Variants in SENP8 observed in about 807,000 individuals in gnomAD.
SENP8 encodes sentrin-specific protease 8.
A neutral mutation model predicts 14.4 loss-of-function variants in SENP8; 10 were observed. The observed-to-expected ratio is 0.69, with a 90% confidence interval of 0.43 to 1.18. The LOEUF (loss-of-function observed/expected upper bound fraction) is 1.18, where lower values mean the gene tolerates loss of function less well. Among genes scored for constraint, SENP8 ranks in the 50% most tolerant of loss-of-function variants. The pLI is 0.00. For synonymous variants in SENP8, 94 were observed against 95.5 expected, an observed-to-expected ratio of 0.98 and a Z score of 0.09; for missense variants, 202 against 249.4, an observed-to-expected ratio of 0.81 and a Z score of 1.28.
In SENP8 at chr15:72,132,301, G is replaced by T. The variant is rs192790911; in HGVS notation, c.-47-7276G>T. Among the ~76,000 whole-genome samples the T allele has an allele frequency of 7.9e-5, 12 of 151,768 alleles. No individual in the cohort carries two copies. In the East Asian group the frequency reaches 2.1e-3, roughly 27 times the overall value. ...TACACAGATCCTTTTAACTCTAAAC[G>T]AATTTACTATTAACAGCAGAACAAT... On this transcript the variant is annotated intron_variant, in intron 1 of 1. Transcript: ENST00000340912.
intron 1 of SENP8, among the ~76,000 whole-genome samples, chr15:72,129,679 A>T (rs1227584335): frequency 2.2e-5 from 3 of 139,236 alleles, no homozygotes; most frequent in South Asian, 2.3e-4. Flanking sequence ...GTCTGGCCAC[A>T]TTTTTTTTTT....
chr15:72,136,010 C>T (rs577300333), intron 1 of SENP8, among the ~76,000 whole-genome samples: 58 of 152,310 alleles, frequency 3.8e-4, no homozygotes, highest in African/African-American at 1.0e-3. Flanking sequence ...AGCAGTCATT[C>T]TGCCTTTATA....
chr15:72,121,134 A>T (rs953391064), intron 1 of SENP8, among the ~76,000 whole-genome samples: 1 of 152,184 alleles, frequency 6.6e-6, no homozygotes, highest in African/African-American at 2.4e-5. Context: ...GTACTATCCC[A>T]CTGTTTCCTA....
At chr15:72,130,715 C>T (rs564206949) in intron 1 of SENP8, among the ~76,000 whole-genome samples, 2 of 152,184 alleles carry the variant, frequency 1.3e-5, no homozygotes, top group African/African-American at 4.8e-5. Flanking sequence ...AGGCATGCGC[C>T]ACCATGCCCA....
chr15:72,135,832 T>G (rs1248467542), intron 1 of SENP8, among the ~76,000 whole-genome samples: 1 of 152,236 alleles, frequency 6.6e-6, no homozygotes, highest in African/African-American at 2.4e-5. Flanking sequence ...GTTGAGGCAG[T>G]CTTCTTGCAG....
At chr15:72,139,487 A>AT (rs1273089239) in intron 1 of SENP8, 90 bp from the exon 2 acceptor site, 34 of 1,262,286 alleles carry the variant, frequency 2.7e-5, no homozygotes, top group East Asian at 9.3e-5. Context: ...TCAACTGTGT[A>AT]TTTTTTTACC....
At chr15:72,126,553 C>T (rs1178019054) in intron 1 of SENP8, among the ~76,000 whole-genome samples, 1 of 152,088 alleles carries the variant, frequency 6.6e-6, no homozygotes, top group Non-Finnish European at 1.5e-5. Flanking sequence ...TGAACCCAGG[C>T]AGCAGAGGTT....
chr15:72,116,493 T>C (rs1169087487), upstream of SENP8, among the ~76,000 whole-genome samples: 3 of 152,214 alleles, frequency 2.0e-5, no homozygotes, highest in Non-Finnish European at 4.4e-5. Context: ...ACTGCATGAT[T>C]TCTGTACTTG....
chr15:72,120,617 T>C (rs546866160), intron 1 of SENP8, among the ~76,000 whole-genome samples: 1 of 152,344 alleles, frequency 6.6e-6, no homozygotes, highest in East Asian at 1.9e-4. Flanking sequence ...TTCTTAAATA[T>C]ATAAAATAGA....
chr15:72,133,718 T>C (rs2140516057), intron 1 of SENP8, among the ~76,000 whole-genome samples: 1 of 152,360 alleles, frequency 6.6e-6, no homozygotes, highest in South Asian at 2.1e-4. Context: ...ATTTATTGAC[T>C]AAAATAATGG....
chr15:72,117,211 G>A (rs543308283), upstream of SENP8: 3 of 152,382 alleles, frequency 2.0e-5, no homozygotes, highest in Admixed American at 1.3e-4. Context: ...GTGATGGCTA[G>A]GGTTAGTGCT....
At chr15:72,122,419 A>G (rs1433029286) in intron 1 of SENP8, among the ~76,000 whole-genome samples, 1 of 152,072 alleles carries the variant, frequency 6.6e-6, no homozygotes, top group Non-Finnish European at 1.5e-5. Context: ...CAGGCAACCC[A>G]TCTCCTTTGA....
At position 72,142,345 on chromosome 15, in the gene SENP8, C is replaced by T. The variant is rs1596663185; in HGVS notation, c.*2083C>T. On this transcript the variant is annotated 3_prime_UTR_variant, in exon 2 of 2. Coordinates refer to ENST00000340912, the MANE Select transcript of SENP8 (RefSeq NM_145204.4). Reference sequence around the variant, plus strand: ...GAATTGACTTGTATTTCACTGGATACTATAGTACCCGGTAAGTTACACACC... The same window carrying T: ...GAATTGACTTGTATTTCACTGGATATTATAGTACCCGGTAAGTTACACACC... 2.0e-5 allele frequency: 3 copies of T among 152,134 alleles called. No homozygotes were observed. The highest frequency in any genetic ancestry group is 7.2e-5 in the African/African-American group (3 of 41,418). The allele number at this position is 152,134 out of a possible 1,614,324, so 9.4% of individuals were successfully genotyped here.
chr15:72,139,649 T>C lies in SENP8; in HGVS notation c.26T>C (p.Met9Thr), dbSNP rs2081360776. The C allele has an allele frequency of 3.7e-6, 6 of 1,614,018 alleles. No homozygotes were observed. Among genetic ancestry groups the C allele is most frequent in the South Asian group, 1.1e-5 (1 of 91,070 alleles). The change falls in exon 2 of 2, where the codon ATG becomes ACG. Residue 9 changes from methionine to threonine, a missense_variant. Transcript: ENST00000340912. ...ATGGACCCCGTAGTCTTGAGTTACA[T>C]GGACAGTCTACTGCGGCAATCAGAT... MDPVVLSY[M>T]DSLLRQSDVS...
intron 1 of SENP8, among the ~76,000 whole-genome samples, chr15:72,123,537 G>T (rs192819477): frequency 6.6e-6 from 1 of 151,756 alleles, no homozygotes; most frequent in East Asian, 1.9e-4. Context: ...AATTACAAAT[G>T]GAACTTTTTT....
chr15:72,129,540 T>G (rs1450523049), intron 1 of SENP8, among the ~76,000 whole-genome samples: 1 of 149,926 alleles, frequency 6.7e-6, no homozygotes, highest in Non-Finnish European at 1.5e-5. Context: ...TTTTGTATTT[T>G]TTTTTTTTTT....
intron 1 of SENP8, chr15:72,139,374 G>T: frequency 2.1e-6 from 1 of 465,646 alleles, no homozygotes; most frequent in Non-Finnish European, 3.8e-6. Flanking sequence ...TGAAGAGGAG[G>T]AGGAAAAGGA....
At chr15:72,117,643 G>C (rs1298122970), upstream of SENP8, 2 of 395,264 alleles carry the variant, frequency 5.1e-6, no homozygotes, top group African/African-American at 2.1e-5. Flanking sequence ...GGGCCAGGAC[G>C]GGCTGCAGGG....
chr15:72,114,456 A>T (rs1194895261), upstream of SENP8: 1 of 152,250 alleles, frequency 6.6e-6, no homozygotes. Context: ...GACAGACTGG[A>T]TGTTGGCAGT....
Sources: gnomAD v4.1 joint callset for allele counts (sites outside exome capture counted in the v4.1 genomes callset) on GRCh38, gnomAD v4.1.1 for gene constraint, MANE v1.5 for transcripts, NCBI Gene and HGNC (gene_info 2026-07-23, HGNC 2026-07-21) for gene names.